Variants in ZNF334 observed in about 807,000 individuals in gnomAD.
The protein encoded by ZNF334 is zinc finger protein 334.
A neutral mutation model predicts 12.4 loss-of-function variants in ZNF334; 14 were observed. That is an observed-to-expected ratio of 1.13 (90% CI 0.74 to 1.76). The LOEUF is 1.76. ZNF334 is among the 40% of genes most tolerant of loss of function. The pLI, the probability that ZNF334 is intolerant of heterozygous loss-of-function variation, is 0.00. For synonymous variants in ZNF334, 273 were observed against 269.6 expected, an observed-to-expected ratio of 1.01 and a Z score of -0.12; for missense variants, 797 against 804.5, an observed-to-expected ratio of 0.99 and a Z score of 0.11.
the ZNF334 span, among the ~76,000 whole-genome samples, chr20:46,472,018 C>A: frequency 6.6e-6 from 1 of 152,178 alleles, no homozygotes; most frequent in Admixed American, 6.5e-5. Context: ...CAAATCTTGA[C>A]ATCTTTACAA....
the ZNF334 span, among the ~76,000 whole-genome samples, chr20:46,488,417 T>TATATATATATATATATATATATA: frequency 1.9e-4 from 19 of 98,012 alleles, no homozygotes; most frequent in African/African-American, 9.5e-4. Context: ...GTAGCTCTTA[T>TATATATATATATATATATATATA]TTTATATATA....
At chr20:46,491,201 GATGTA>G in the ZNF334 span, 1 of 152,676 alleles carries the variant, frequency 6.5e-6, no homozygotes, top group African/African-American at 2.4e-5. Context: ...ATACAAATGT[GATGTA>G]TGTCAAAAGG....
the ZNF334 span, among the ~76,000 whole-genome samples, chr20:46,475,646 T>C: frequency 7.2e-5 from 11 of 152,032 alleles, no homozygotes; most frequent in African/African-American, 2.4e-4. Context: ...GACAAGGATA[T>C]ACAGATGGAA....
At chr20:46,512,332 CTGAG>C (rs913386527) in intron 1 of ZNF334, among the ~76,000 whole-genome samples, 192 bp from the exon 2 acceptor site, 27 of 152,264 alleles carry the variant, frequency 1.8e-4, no homozygotes, top group Non-Finnish European at 3.2e-4. Flanking sequence ...GCTTTTCTTA[CTGAG>C]TGAGTGTCAA....
rs1415104687 is a variant in ZNF334, at chr20:46,512,138, G to C, written c.-36C>G. On this transcript the variant is annotated splice_region_variant and 5_prime_UTR_variant, in exon 2 of 5. Transcript: ENST00000692313. ...GAAAGGGCCAAGAGTGTTGAAAGCA[G>C]AGCTGGGTAAGGAAGAATGGCGAAT... The C allele has an allele frequency of 8.1e-6, 13 of 1,613,084 alleles. No individual in the cohort carries two copies. The highest frequency in any genetic ancestry group is 1.3e-5 in the African/African-American group (1 of 74,912).
downstream of ZNF334, among the ~76,000 whole-genome samples, chr20:46,496,169 G>A (rs940911560): frequency 1.3e-5 from 2 of 152,224 alleles, no homozygotes; most frequent in African/African-American, 2.4e-5. Flanking sequence ...CTGCTCCTTC[G>A]AAGAAAGCCC....
Position 46,502,982 on chromosome 20 carries a change from T to A in ZNF334, c.357A>T (p.Thr119=). The A allele has an allele frequency of 6.2e-7, 1 of 1,614,066 alleles. No individual in the cohort carries two copies. Among genetic ancestry groups the A allele is most frequent in the Non-Finnish European group, 8.5e-7 (1 of 1,179,966 alleles). Residue 119 remains threonine, a synonymous_variant, in exon 5 of 5, where the codon ACA becomes ACT. Coordinates refer to ENST00000692313, the MANE Select transcript of ZNF334 (RefSeq NM_001353824.2). ...ITERENVFGK[T]LNLGMNSVPS... ...GAACACTATTCATGCCCAGATTAAGTGTTTTCCCAAATACATTCTCTCTTT... is the reference window on the plus strand; with the variant it reads ...GAACACTATTCATGCCCAGATTAAGAGTTTTCCCAAATACATTCTCTCTTT...
chr20:46,511,906 A>C (rs1481223270), intron 2 of ZNF334, among the ~76,000 whole-genome samples, 176 bp downstream of exon 2: 2 of 152,214 alleles, frequency 1.3e-5, no homozygotes, highest in African/African-American at 4.8e-5. Context: ...TTCTGGAACC[A>C]TTTGAGTAAC....
At chr20:46,462,870 CT>C in the ZNF334 span, among the ~76,000 whole-genome samples, 2 of 152,214 alleles carry the variant, frequency 1.3e-5, no homozygotes, top group Admixed American at 1.3e-4. Context: ...ACACCAAGCT[CT>C]TGGGAGTCAA....
At chr20:46,491,945 T>A in the ZNF334 span, 2 of 153,710 alleles carry the variant, frequency 1.3e-5, no homozygotes, top group African/African-American at 4.8e-5. Context: ...TAACAATAAT[T>A]CAAATCTTAA....
chr20:46,496,443 T>C (rs279721), downstream of ZNF334, among the ~76,000 whole-genome samples: 3 of 152,056 alleles, frequency 2.0e-5, no homozygotes, highest in Admixed American at 1.3e-4. Flanking sequence ...ATGAAGAGAC[T>C]CTTTACAAAA....
rs1187481135 is a variant in ZNF334, at chr20:46,502,592, T to C, written c.747A>G (p.Arg249=). The stretch of plus-strand genomic sequence containing the variant: ...TTCTCTGATGTACAATGAGGGTAGA[T>C]CTCTTAGAAAAGGTTTTCCTACATT... The part of the protein sequence containing the change: ...CNECRKTFSK[R]STLIVHQRIH... Residue 249 remains arginine, a synonymous_variant, in exon 5 of 5, where the codon AGA becomes AGG. Coordinates refer to ENST00000692313, the MANE Select transcript of ZNF334 (RefSeq NM_001353824.2). The C allele has an allele frequency of 1.9e-6, 3 of 1,613,686 alleles. No homozygotes were observed. Among genetic ancestry groups the C allele is most frequent in the Non-Finnish European group, 2.5e-6 (3 of 1,180,016 alleles).
Position 46,512,891 on chromosome 20 carries a change from C to T in ZNF334, c.-390G>A, listed in dbSNP as rs1285575566. On this transcript the variant is annotated 5_prime_UTR_variant, in exon 1 of 5. Transcript: ENST00000692313. ...TCTGTAAGGGGTAAACTCAGTAAAT[C>T]CCAGGTGAGGTGATGAACATGGTTG... 1 of 151,694 alleles carries T rather than the reference C, an allele frequency of 6.6e-6. No homozygotes were observed. Among genetic ancestry groups the T allele is most frequent in the Admixed American group, 6.6e-5 (1 of 15,236 alleles). 9.4% of individuals were successfully genotyped at this position (151,694 alleles called of 1,614,324 possible).
the ZNF334 span, among the ~76,000 whole-genome samples, chr20:46,465,814 G>A: frequency 6.6e-5 from 10 of 152,128 alleles, no homozygotes; most frequent in Admixed American, 6.5e-4. Context: ...AATTAGCCGG[G>A]CGTGGTGGCG....
chr20:46,507,265 A>C (rs551667333), intron 2 of ZNF334, among the ~76,000 whole-genome samples: 1 of 152,126 alleles, frequency 6.6e-6, no homozygotes, highest in African/African-American at 2.4e-5. Flanking sequence ...GGAAGGGGAA[A>C]GGAAATAAAG....
chr20:46,463,049 C>G, the ZNF334 span, among the ~76,000 whole-genome samples: 4 of 152,186 alleles, frequency 2.6e-5, no homozygotes, highest in Non-Finnish European at 5.9e-5. Context: ...GAGTTCAAGA[C>G]CAGCCTGGCC....
the ZNF334 span, chr20:46,492,442 TA>T: frequency 6.5e-6 from 1 of 153,802 alleles, no homozygotes. Flanking sequence ...TTAATCAACA[TA>T]AAAAAATTCA....
the ZNF334 span, among the ~76,000 whole-genome samples, chr20:46,490,539 T>A: frequency 1.3e-5 from 2 of 152,234 alleles, no homozygotes; most frequent in Non-Finnish European, 2.9e-5. Flanking sequence ...CTTTAAGCTT[T>A]TCTGTTTTGG....
intron 2 of ZNF334, among the ~76,000 whole-genome samples, chr20:46,507,621 T>A (rs1198789448): frequency 1.3e-5 from 2 of 152,212 alleles, no homozygotes; most frequent in Non-Finnish European, 2.9e-5. Context: ...AAAATAGGCA[T>A]GCTGCCTCCA....
Sources: gnomAD v4.1 joint callset for allele counts (sites outside exome capture counted in the v4.1 genomes callset) on GRCh38, gnomAD v4.1.1 for gene constraint, MANE v1.5 for transcripts, NCBI Gene and HGNC (gene_info 2026-07-23, HGNC 2026-07-21) for gene names.